MRC2: variants seen among roughly 807,000 people sequenced by gnomAD.
MRC2 encodes C-type mannose receptor 2.
In MRC2, 84 loss-of-function variants were observed where a neutral mutation model predicts 206.2. That is an observed-to-expected ratio of 0.41 (90% CI 0.34 to 0.49). The LOEUF (loss-of-function observed/expected upper bound fraction) is 0.49, where lower values mean the gene tolerates loss of function less well. Ranked by LOEUF, MRC2 falls within the 20% of genes least tolerant of loss-of-function variation. MRC2 has a pLI of 0.31. For missense variants in MRC2, 1,676 were observed against 2,001.5 expected, an observed-to-expected ratio of 0.84 and a Z score of 3.10; for synonymous variants, 798 against 800.0, an observed-to-expected ratio of 1.00 and a Z score of 0.04.
chr17:62,657,826 C>T (rs965835274), intron 1 of MRC2, among the ~76,000 whole-genome samples: 1 of 152,190 alleles, frequency 6.6e-6, no homozygotes, highest in African/African-American at 2.4e-5. Flanking sequence ...TGCACTCCCC[C>T]TCCACTAGGC....
chr17:62,669,731 G>T (rs1044858148), intron 6 of MRC2, among the ~76,000 whole-genome samples: 1 of 149,506 alleles, frequency 6.7e-6, no homozygotes, highest in Non-Finnish European at 1.5e-5. Flanking sequence ...TAATTTTTTT[G>T]TATTTTTAGA....
In MRC2 at chr17:62,678,569, G is replaced by C. The variant is rs1180026921; in HGVS notation, c.2118G>C (p.Glu706Asp). 1.3e-5 allele frequency: 21 copies of C among 1,609,742 alleles called. No homozygotes were observed. Among genetic ancestry groups the C allele is most frequent in the Non-Finnish European group, 1.8e-5 (21 of 1,178,986 alleles). Reference sequence around the variant, plus strand: ...TCCAGGCCCAGGGGGCCTGCCAGGAGCTGGGGGCCCAGCTGCTGAGCCTGG... The same window carrying C: ...TCCAGGCCCAGGGGGCCTGCCAGGACCTGGGGGCCCAGCTGCTGAGCCTGG... The part of the protein sequence containing the change: ...SWVQAQGACQ[E>D]LGAQLLSLAS... Residue 706 changes from glutamate (E) to aspartate (D), a missense_variant, in exon 13 of 30, where the codon GAG becomes GAC. Around this residue, in one of 3 missense-constraint regions of MRC2, gnomAD observed 1,354 missense variants for 1,636.6 expected, o/e 0.83. Coordinates refer to ENST00000303375, the MANE Select transcript of MRC2 (RefSeq NM_006039.5).
In MRC2 at chr17:62,650,978, C is replaced by T. The variant is rs116568752; in HGVS notation, c.119-13570C>T. Among the ~76,000 whole-genome samples the T allele has an allele frequency of 2.1e-3, 323 of 152,326 alleles. 3 individuals are homozygous for T. The highest frequency in any genetic ancestry group is 7.1e-3 in the African/African-American group (297 of 41,580). ...CATGGTCCAGGTTCCTTGAACATCC[C>T]TGGACAAGTCACTTAACCTTTCTGT... On this transcript the variant is annotated intron_variant, in intron 1 of 29. Transcript: ENST00000303375.
At chr17:62,668,135 T>C (rs534543088) in intron 6 of MRC2, among the ~76,000 whole-genome samples, 1 of 152,178 alleles carries the variant, frequency 6.6e-6, no homozygotes, top group East Asian at 1.9e-4. Flanking sequence ...GGCAGGAGGA[T>C]TGCTTGAGCT....
chr17:62,646,320 G>T (rs947462750), intron 1 of MRC2, among the ~76,000 whole-genome samples: 1 of 151,812 alleles, frequency 6.6e-6, no homozygotes, highest in Non-Finnish European at 1.5e-5. Flanking sequence ...CACCGCGCCC[G>T]GCCCCCTCTC....
In MRC2 at chr17:62,627,875, C is replaced by T. The variant is rs1448675102; in HGVS notation, c.73C>T (p.Leu25=). ...LLRCVLLLGC[L]HLGRPGAPGD... ...GCGCTGCGTCCTGCTCCTCGGGTGCCTGCACCTCGGCCGTCCCGGCGCCCC... is the reference window on the plus strand; with the variant it reads ...GCGCTGCGTCCTGCTCCTCGGGTGCTTGCACCTCGGCCGTCCCGGCGCCCC... Residue 25 remains leucine, a synonymous_variant, in exon 1 of 30, where the codon CTG becomes TTG. Coordinates refer to ENST00000303375, the MANE Select transcript of MRC2 (RefSeq NM_006039.5). 17 of 1,475,324 alleles carry T rather than the reference C, an allele frequency of 1.2e-5. No individual in the cohort carries two copies. Among genetic ancestry groups the T allele is most frequent in the Non-Finnish European group, 1.2e-5 (13 of 1,120,172 alleles). 91.4% of individuals were successfully genotyped at this position (1,475,324 alleles called of 1,614,324 possible).
chr17:62,629,336 G>A (rs992498837), intron 1 of MRC2, among the ~76,000 whole-genome samples: 2 of 152,180 alleles, frequency 1.3e-5, no homozygotes, highest in Admixed American at 6.5e-5. Context: ...GTGCTGACTC[G>A]GCCTTTCCCC....
At chr17:62,662,091 T>G (rs1315492826) in intron 1 of MRC2, among the ~76,000 whole-genome samples, 3 of 151,752 alleles carry the variant, frequency 2.0e-5, no homozygotes, top group Non-Finnish European at 4.4e-5. Context: ...CTACTAAAAA[T>G]ACAAAAAAAT....
At chr17:62,646,026 T>TA (rs1568052484) in intron 1 of MRC2, among the ~76,000 whole-genome samples, 1 of 146,084 alleles carries the variant, frequency 6.8e-6, no homozygotes, top group African/African-American at 2.6e-5. Flanking sequence ...CTTTTCTATT[T>TA]TTTTTTTTTT....
intron 1 of MRC2, among the ~76,000 whole-genome samples, chr17:62,632,446 C>T (rs2147424343): frequency 6.6e-6 from 1 of 152,338 alleles, no homozygotes; most frequent in African/African-American, 2.4e-5. Context: ...TTCTCTTTCT[C>T]TGACTGTGCA....
rs2088755260 is a variant in MRC2, at chr17:62,666,388, G to T, written c.695-67G>T. The T allele has an allele frequency of 1.2e-5, 19 of 1,606,850 alleles. No individual in the cohort carries two copies. The highest frequency in any genetic ancestry group is 1.7e-5 in the Admixed American group (1 of 59,662). ...CCCCTACCTAGTGTAGCCTTTTGGT[G>T]GGGGAGGGTCTGCACTCCCGAGGGA... is the stretch of plus-strand genomic sequence containing the variant. On this transcript the variant is annotated intron_variant, in intron 3 of 29. Transcript: ENST00000303375. This position sits in a 1 kb window ranked among gnomAD's most constrained non-coding sequence, Gnocchi z 5.0.
chr17:62,665,803 G>C (rs996122082), intron 2 of MRC2, among the ~76,000 whole-genome samples: 6 of 152,354 alleles, frequency 3.9e-5, no homozygotes, highest in African/African-American at 1.2e-4. Flanking sequence ...GCCCTCTGTG[G>C]GTGACTTGGA....
chr17:62,681,134 G>A lies in MRC2; in HGVS notation c.2702+5G>A. On this transcript the variant is annotated splice_donor_5th_base_variant and intron_variant, in intron 18 of 29. Coordinates refer to ENST00000303375, the MANE Select transcript of MRC2 (RefSeq NM_006039.5). ...TGAGAGCGATGGGCGCTTCAGGTAG[G>A]AACCCAGGCAGGCAGCAGATGTGGA... The A allele has an allele frequency of 6.2e-7, 1 of 1,613,372 alleles. No individual in the cohort carries two copies. Among genetic ancestry groups the A allele is most frequent in the Non-Finnish European group, 8.5e-7 (1 of 1,179,868 alleles).
chr17:62,651,115 C>T (rs905397628), intron 1 of MRC2, among the ~76,000 whole-genome samples: 1 of 150,636 alleles, frequency 6.6e-6, no homozygotes, highest in East Asian at 1.9e-4. Context: ...AACGCAGTCT[C>T]GCTCTGTCGC....
chr17:62,671,771 G>A lies in MRC2; in HGVS notation c.1240G>A (p.Gly414Ser), dbSNP rs375733220. The change falls in exon 7 of 30, where the codon GGT becomes AGT. Residue 414 changes from glycine to serine, a missense_variant. Physicochemically the swap from Gly to Ser is moderately conservative, Grantham distance 56 (BLOSUM62 0). This residue lies in a region of MRC2 where 1,354 missense variants were observed against 1,636.6 expected (regional missense o/e 0.83). Coordinates refer to ENST00000303375, the MANE Select transcript of MRC2 (RefSeq NM_006039.5). This position sits in a 1 kb window ranked among gnomAD's most constrained non-coding sequence, Gnocchi z 4.5. ...GTCCAAGAAGGCATGTCTACGGGGC[G>A]GTGGCGACCTGGTCAGCATCCACAG... ...QESKKACLRG[G>S]GDLVSIHSMA... The A allele has an allele frequency of 8.1e-6, 13 of 1,612,690 alleles. No individual in the cohort carries two copies. The highest frequency in any genetic ancestry group is 5.3e-5 in the African/African-American group (4 of 74,934).
At chr17:62,645,527 ATTT>A (rs1164231785) in intron 1 of MRC2, among the ~76,000 whole-genome samples, 101 of 39,400 alleles carry the variant, frequency 2.6e-3, no homozygotes, top group East Asian at 9.2e-3. Flanking sequence ...ATATATATAT[ATTT>A]TTTTTTTTTT....
At chr17:62,635,656 T>C (rs970729622) in intron 1 of MRC2, among the ~76,000 whole-genome samples, 1 of 152,176 alleles carries the variant, frequency 6.6e-6, no homozygotes, top group East Asian at 1.9e-4. Flanking sequence ...TTGGCCTCAA[T>C]TGTAAGAATG....
intron 27 of MRC2, 69 bp downstream of exon 27, chr17:62,690,830 C>G: frequency 6.6e-7 from 1 of 1,514,496 alleles, no homozygotes; most frequent in East Asian, 2.4e-5. Context: ...CCACTTTGCC[C>G]TGAGCCTTGT....
At chr17:62,651,565 G>A (rs2088556345) in intron 1 of MRC2, among the ~76,000 whole-genome samples, 1 of 152,048 alleles carries the variant, frequency 6.6e-6, no homozygotes, top group African/African-American at 2.4e-5. Context: ...AAATTGAATT[G>A]AAAGTTAATT....
Sources: gnomAD v4.1 joint callset for allele counts (sites outside exome capture counted in the v4.1 genomes callset) on GRCh38, gnomAD v4.1.1 for gene constraint, gnomAD v4.1.1 regional missense constraint, Gnocchi (gnomAD v3.1) non-coding constraint, MANE v1.5 for transcripts, NCBI Gene and HGNC (gene_info 2026-07-23, HGNC 2026-07-21) for gene names.